SYNPO2: variants seen among roughly 807,000 people sequenced by gnomAD.
The protein encoded by SYNPO2 is synaptopodin 2.
SYNPO2 carries 56 observed loss-of-function variants against 85.0 expected under a neutral mutation model. That is an observed-to-expected ratio of 0.66 (90% CI 0.53 to 0.82). SYNPO2 has a LOEUF of 0.82. Among genes scored for constraint, SYNPO2 ranks in the 40% least tolerant of loss-of-function variants. The pLI is 0.00. For synonymous variants in SYNPO2, 602 were observed against 591.1 expected (o/e 1.02, Z -0.27); for missense variants, 1,575 against 1,534.2 (o/e 1.03, Z -0.44).
intron 1 of SYNPO2, among the ~76,000 whole-genome samples, chr4:118,970,303 G>A (rs190032334): frequency 9.9e-5 from 15 of 152,228 alleles, no homozygotes; most frequent in Non-Finnish European, 1.9e-4. Flanking sequence ...ACAAAATATA[G>A]ATAAATAAAT....
Position 118,856,237 on chromosome 4 carries a change from T to C in SYNPO2, c.12+5297T>C, listed in dbSNP as rs544643376. ...CTCAGAAAATGTCCTATCAAATGAA[T>C]TATCTCTTTAGTTATTGTTATCATC... On this transcript the variant is annotated intron_variant, in intron 1 of 4. Coordinates refer to the SYNPO2 transcript ENST00000610556. Among the ~76,000 whole-genome samples the C allele has an allele frequency of 1.4e-3, 208 of 152,350 alleles. 1 individual carries two copies. The highest frequency in any genetic ancestry group is 2.2e-3 in the Non-Finnish European group (148 of 68,024).
At chr4:119,032,415 C>T in intron 4 of SYNPO2, 2 of 1,132,008 alleles carry the variant, frequency 1.8e-6, no homozygotes, top group Non-Finnish European at 2.2e-6. Flanking sequence ...AGCTGTCCTC[C>T]TATGGTGAAA....
In SYNPO2 at chr4:118,965,835, C is replaced by A. The variant is rs571101758; in HGVS notation, c.106-57595C>A. Among the ~76,000 whole-genome samples the A allele has an allele frequency of 2.0e-5, 3 of 152,012 alleles. No individual in the cohort carries two copies. The South Asian group carries it at 6.2e-4, about 32-fold the overall frequency. ...TGGTGGCTCACATCTGTAATCTCAG[C>A]ACTTTGGGAGGCTGAGACGGGAGGA... On this transcript the variant is annotated intron_variant, in intron 1 of 4. Coordinates refer to ENST00000307142, the MANE Select transcript of SYNPO2 (RefSeq NM_133477.3).
chr4:118,905,386 A>C (rs975540165), intron 1 of SYNPO2, among the ~76,000 whole-genome samples: 2 of 151,752 alleles, frequency 1.3e-5, no homozygotes, highest in African/African-American at 4.8e-5. Flanking sequence ...GAGACATTGA[A>C]CCTAATATCG....
chr4:119,040,245 T>A (rs78357902), intron 4 of SYNPO2, among the ~76,000 whole-genome samples: 12,337 of 152,294 alleles, frequency 0.081, 676 homozygotes, highest in Non-Finnish European at 0.11. Context: ...TTAAACAAGT[T>A]CTTTTGTGTT....
At chr4:118,997,443 A>G (rs963364996) in intron 1 of SYNPO2, among the ~76,000 whole-genome samples, 11 of 152,300 alleles carry the variant, frequency 7.2e-5, no homozygotes, top group Non-Finnish European at 1.3e-4. Flanking sequence ...ACCTGAAGAC[A>G]CGGGACACTG....
At chr4:118,864,963 G>A (rs1222194252) in intron 1 of SYNPO2, among the ~76,000 whole-genome samples, 1 of 152,150 alleles carries the variant, frequency 6.6e-6, no homozygotes, top group Non-Finnish European at 1.5e-5. Flanking sequence ...TAATTGAAAA[G>A]CAAATATGAA....
rs2149110565 is a variant in SYNPO2 at position 118,881,795 on chromosome 4, G to A, written c.12+30855G>A. The stretch of plus-strand genomic sequence containing the variant: ...CACACTGCTCGTTCTCTCCCTCTTT[G>A]GAATGCTACCGAGCACCACCCCACC... On this transcript the variant is annotated intron_variant, in intron 1 of 4. Coordinates refer to the SYNPO2 transcript ENST00000610556. 1.3e-5 allele frequency among the ~76,000 whole-genome samples: 2 copies of A among 152,256 alleles called. 1 individual carries two copies. The highest frequency in any genetic ancestry group is 3.9e-4 in the East Asian group (2 of 5,176).
chr4:118,953,373 G>A (rs115217427), intron 1 of SYNPO2, among the ~76,000 whole-genome samples: 180 of 152,268 alleles, frequency 1.2e-3, no homozygotes, highest in African/African-American at 4.2e-3. Context: ...TGAAGTTTGT[G>A]TCAGATTCTA....
chr4:119,044,054 G>GAC (rs1183569113), intron 4 of SYNPO2: 2 of 150,434 alleles, frequency 1.3e-5, no homozygotes, highest in African/African-American at 4.9e-5. Context: ...CTGATAAGTA[G>GAC]ACACACATTC....
At chr4:118,970,167 AT>A (rs1735483397) in intron 1 of SYNPO2, among the ~76,000 whole-genome samples, 1 of 152,190 alleles carries the variant, frequency 6.6e-6, no homozygotes, top group Non-Finnish European at 1.5e-5. Flanking sequence ...TTATTCCTGA[AT>A]TATAAATTAT....
At chr4:118,995,608 T>C (rs1736556909) in intron 1 of SYNPO2, among the ~76,000 whole-genome samples, 1 of 152,216 alleles carries the variant, frequency 6.6e-6, no homozygotes, top group Non-Finnish European at 1.5e-5. Flanking sequence ...AGTGGCAGTA[T>C]AATGTGTTTT....
chr4:118,956,965 A>C (rs913546678), intron 1 of SYNPO2, among the ~76,000 whole-genome samples: 2 of 152,064 alleles, frequency 1.3e-5, no homozygotes, highest in Non-Finnish European at 2.9e-5. Flanking sequence ...GAATCACTTG[A>C]ACCTGGGAGG....
chr4:118,968,633 T>C (rs1735405100), intron 1 of SYNPO2, among the ~76,000 whole-genome samples: 1 of 152,166 alleles, frequency 6.6e-6, no homozygotes, highest in African/African-American at 2.4e-5. Flanking sequence ...TTTGTGTGGG[T>C]TTGCAGAGGT....
intron 4 of SYNPO2, among the ~76,000 whole-genome samples, chr4:119,053,165 C>G (rs534225299): frequency 1.3e-5 from 2 of 152,282 alleles, no homozygotes; most frequent in East Asian, 3.9e-4. Flanking sequence ...GCCAGCCAAA[C>G]AGAGAACAGC....
Position 119,057,531 on chromosome 4 carries a change from G to C in SYNPO2, c.3383G>C (p.Arg1128Thr). ...GATGGACTAGAGAAAGCAAACAAGAGACCAACTCCTTGGGAAGCAGCAGCA... is the reference window on the plus strand; with the variant it reads ...GATGGACTAGAGAAAGCAAACAAGACACCAACTCCTTGGGAAGCAGCAGCA... ...PTDGLEKANK[R>T]PTPWEAAAKS... The change falls in exon 5 of 5, where the codon AGA becomes ACA. Residue 1128 changes from arginine (R) to threonine (T), a missense_variant. Around this residue, in one of 3 missense-constraint regions of SYNPO2, gnomAD observed 1,508 missense variants for 1,446.8 expected, o/e 1.04. Coordinates refer to ENST00000307142, the MANE Select transcript of SYNPO2 (RefSeq NM_133477.3). 1 of 1,614,050 alleles carries C rather than the reference G, an allele frequency of 6.2e-7. No homozygotes were observed. Among genetic ancestry groups the C allele is most frequent in the Non-Finnish European group, 8.5e-7 (1 of 1,180,014 alleles).
intron 1 of SYNPO2, among the ~76,000 whole-genome samples, chr4:119,012,429 G>A (rs746548996): frequency 9.4e-5 from 13 of 137,990 alleles, no homozygotes; most frequent in South Asian, 9.1e-4. Flanking sequence ...TGTGCAGAAC[G>A]TGCAGGTTTG....
intron 1 of SYNPO2, among the ~76,000 whole-genome samples, chr4:118,960,336 G>A (rs983568022): frequency 6.6e-6 from 1 of 152,128 alleles, no homozygotes; most frequent in Non-Finnish European, 1.5e-5. Flanking sequence ...TTAAAATAAT[G>A]ACAATATCAC....
intron 4 of SYNPO2, among the ~76,000 whole-genome samples, chr4:119,039,325 C>T (rs1343883590): frequency 6.6e-6 from 1 of 152,124 alleles, no homozygotes; most frequent in African/African-American, 2.4e-5. Context: ...GCTATACTAC[C>T]TCCCCTGATT....
Sources: allele counts gnomAD v4.1 joint callset (sites outside exome capture counted in the v4.1 genomes callset), GRCh38; gene constraint gnomAD v4.1.1; regional missense constraint gnomAD v4.1.1; transcripts MANE v1.5; gene names NCBI Gene and HGNC (gene_info 2026-07-23, HGNC 2026-07-21).